Variants in GTF2B observed in about 807,000 individuals in gnomAD.
The protein encoded by GTF2B is transcription initiation factor IIB.
A neutral mutation model predicts 34.6 loss-of-function variants in GTF2B; 20 were observed. The observed-to-expected ratio is 0.58, with a 90% CI of 0.41 to 0.84. The LOEUF (loss-of-function observed/expected upper bound fraction) is 0.84, where lower values mean the gene tolerates loss of function less well. GTF2B is among the 40% of genes least tolerant of loss of function. The pLI, the probability that GTF2B is intolerant of heterozygous loss-of-function variation, is 0.00. For missense variants in GTF2B, 237 were observed against 393.3 expected, an observed-to-expected ratio of 0.60 and a Z score of 3.36; for synonymous variants, 142 against 132.4, an observed-to-expected ratio of 1.07 and a Z score of -0.50.
At chr1:88,865,150 CAG>C (rs1673520562) in intron 2 of GTF2B, among the ~76,000 whole-genome samples, 2 of 152,114 alleles carry the variant, frequency 1.3e-5, no homozygotes, top group African/African-American at 4.8e-5. Flanking sequence ...ATATAATAGT[CAG>C]GGGTGTGAAC....
chr1:88,875,198 C>A (rs1673792414), intron 2 of GTF2B, among the ~76,000 whole-genome samples: 1 of 152,136 alleles, frequency 6.6e-6, no homozygotes, highest in Non-Finnish European at 1.5e-5. Context: ...AATAATACAG[C>A]AAGTCTCTAA....
intron 2 of GTF2B, among the ~76,000 whole-genome samples, chr1:88,866,043 T>C (rs370984201): frequency 2.6e-5 from 4 of 151,774 alleles, no homozygotes; most frequent in African/African-American, 9.7e-5. Context: ...AACCAGAGTA[T>C]AGTGATCATA....
chr1:88,852,695 C>T lies in GTF2B; in HGVS notation c.*518G>A, dbSNP rs1053175102. 6.7e-6 allele frequency among the ~76,000 whole-genome samples: 1 copy of T among 148,804 alleles called. No individual in the cohort carries two copies. Among genetic ancestry groups the T allele is most frequent in the African/African-American group, 2.6e-5 (1 of 38,288 alleles). ...TGCCTTTCAAGGCCCAAGCTCATCA[C>T]TTCTTGTTTAATAATATACATAATA... On this transcript the variant is annotated 3_prime_UTR_variant, in exon 7 of 7. Transcript: ENST00000370500.
At chr1:88,888,022 A>C (rs1674117074) in intron 1 of GTF2B, 1 of 152,256 alleles carries the variant, frequency 6.6e-6, no homozygotes, top group Non-Finnish European at 1.5e-5. Context: ...AGACACATTC[A>C]TCTTTTTTTG....
intron 6 of GTF2B, among the ~76,000 whole-genome samples, chr1:88,855,905 A>G (rs1673292609): frequency 1.3e-5 from 2 of 152,214 alleles, no homozygotes; most frequent in African/African-American, 2.4e-5. Flanking sequence ...ATTTCTTTAC[A>G]TGCATTTGTT....
intron 2 of GTF2B, among the ~76,000 whole-genome samples, chr1:88,886,465 G>T (rs1674070565): frequency 6.6e-6 from 1 of 152,060 alleles, no homozygotes; most frequent in African/African-American, 2.4e-5. Context: ...TGTTATTTTT[G>T]GCAATAATTT....
intron 2 of GTF2B, among the ~76,000 whole-genome samples, chr1:88,886,982 G>A (rs1023332219): frequency 2.8e-4 from 42 of 151,712 alleles, no homozygotes; most frequent in Non-Finnish European, 1.5e-4. Context: ...GCAGTGGCAC[G>A]ATCTCGGCTC....
rs184742692 is a variant in GTF2B, at chr1:88,853,151, G to A, written c.*62C>T. ...CATGAAAGGCTCAACCCAGCATTTT[G>A]TATAGGCTATGTACAACAGGCAAAG... On this transcript the variant is annotated 3_prime_UTR_variant, in exon 7 of 7. Transcript: ENST00000370500. The A allele has an allele frequency of 4.3e-4, 637 of 1,485,070 alleles. 1 individual carries two copies. The highest frequency in any genetic ancestry group is 2.6e-3 in the Middle Eastern group (15 of 5,792). The allele number at this position is 1,485,070 out of a possible 1,614,324, so 92.0% of individuals were successfully genotyped here.
intron 5 of GTF2B, among the ~76,000 whole-genome samples, chr1:88,859,018 C>T (rs192366031): frequency 6.6e-6 from 1 of 152,148 alleles, no homozygotes; most frequent in East Asian, 1.9e-4. Context: ...CAGGCGCGCA[C>T]CACCACGCCT....
At chr1:88,860,053 T>G (rs764737289) in intron 4 of GTF2B, 42 bp from the exon 5 acceptor site, 1 of 1,610,794 alleles carries the variant, frequency 6.2e-7, no homozygotes, top group East Asian at 2.2e-5. Flanking sequence ...CGTCATTTAA[T>G]TAGCTGCAAT....
chr1:88,864,192 G>A (rs1290038109), intron 2 of GTF2B, 78 bp from the exon 3 acceptor site: 7 of 1,314,598 alleles, frequency 5.3e-6, no homozygotes, highest in Admixed American at 1.7e-5. Context: ...GCCCAACTAA[G>A]CCATTTTATT....
chr1:88,880,137 A>G (rs906937396), intron 2 of GTF2B, among the ~76,000 whole-genome samples: 3 of 152,228 alleles, frequency 2.0e-5, no homozygotes, highest in African/African-American at 7.2e-5. Context: ...TGTTTACTGA[A>G]TTAATATGGT....
intron 6 of GTF2B, among the ~76,000 whole-genome samples, chr1:88,853,847 C>T (rs1220529612): frequency 2.0e-5 from 3 of 152,018 alleles, no homozygotes; most frequent in Non-Finnish European, 4.4e-5. Context: ...TTTAATAAAG[C>T]ATTCATAATA....
chr1:88,860,797 C>T (rs1409207394), intron 3 of GTF2B, among the ~76,000 whole-genome samples: 1 of 152,126 alleles, frequency 6.6e-6, no homozygotes, highest in Non-Finnish European at 1.5e-5. Context: ...TACTTCTTTA[C>T]ATTAGAAAAC....
chr1:88,878,919 G>T (rs1019160334), intron 2 of GTF2B, among the ~76,000 whole-genome samples: 4 of 152,198 alleles, frequency 2.6e-5, no homozygotes, highest in African/African-American at 4.8e-5. Flanking sequence ...TGCAAGTGAA[G>T]AAGTTATCAT....
At chr1:88,891,344 C>T (rs1363113576) in intron 1 of GTF2B, 139 bp downstream of exon 1, 4 of 628,346 alleles carry the variant, frequency 6.4e-6, no homozygotes, top group Non-Finnish European at 8.4e-6. Flanking sequence ...TGCCTTTGTC[C>T]CGGCCCGTCG....
Position 88,857,319 on chromosome 1 carries a change from A to G in GTF2B, c.704T>C (p.Ile235Thr). The stretch of plus-strand genomic sequence containing the variant: ...GTCCAGTTCCACAGCTTTACGGGCT[A>G]TATGTGTAGCTGCCATCTGTACTTG... ...PKQVQMAATHIARKAVELDLV... is the reference protein window; with the variant it reads ...PKQVQMAATHTARKAVELDLV... The change falls in exon 6 of 7, where the codon ATA becomes ACA. Residue 235 changes from isoleucine to threonine, a missense_variant. Around this residue, in one of 3 missense-constraint regions of GTF2B, gnomAD observed 78 missense variants for 116.6 expected, o/e 0.67. Coordinates refer to ENST00000370500, the MANE Select transcript of GTF2B (RefSeq NM_001514.6). The G allele has an allele frequency of 3.1e-6, 5 of 1,613,492 alleles. No individual in the cohort carries two copies. Among genetic ancestry groups the G allele is most frequent in the South Asian group, 1.1e-5 (1 of 91,072 alleles).
intron 2 of GTF2B, among the ~76,000 whole-genome samples, chr1:88,875,154 C>A (rs112984599): frequency 6.6e-5 from 10 of 152,156 alleles, no homozygotes; most frequent in African/African-American, 2.4e-4. Flanking sequence ...GAAGAGAATG[C>A]TGACCAAGAG....
chr1:88,887,916 G>A (rs1674114928), intron 1 of GTF2B: 1 of 152,190 alleles, frequency 6.6e-6, no homozygotes, highest in Non-Finnish European at 1.5e-5. Flanking sequence ...TTGAGTTATT[G>A]AATTTATCAT....
Sources: gnomAD v4.1 joint callset for allele counts (sites outside exome capture counted in the v4.1 genomes callset) on GRCh38, gnomAD v4.1.1 for gene constraint, gnomAD v4.1.1 regional missense constraint, MANE v1.5 for transcripts, NCBI Gene and HGNC (gene_info 2026-07-23, HGNC 2026-07-21) for gene names.